The following LCP1 variants were observed in gnomAD, a reference collection of about 807,000 sequenced individuals.
LCP1 encodes lymphocyte cytosolic protein 1, also known as plastin-2.
LCP1 carries 23 observed loss-of-function variants against 72.0 expected under a neutral mutation model. The ratio of observed to expected loss-of-function variants is 0.32; its 90% CI spans 0.23 to 0.45. LCP1 has a LOEUF of 0.45. LCP1 is among the 20% of genes least tolerant of loss of function. LCP1 has a pLI of 1.00. For missense variants in LCP1, 571 were observed against 748.3 expected (o/e 0.76, Z 2.76); for synonymous variants, 245 against 275.4 (o/e 0.89, Z 1.09).
chr13:46,129,102 G>A (rs944263442), intron 15 of LCP1, among the ~76,000 whole-genome samples: 1 of 152,102 alleles, frequency 6.6e-6, no homozygotes. Flanking sequence ...AAAACACAGA[G>A]GGAAAACGGT....
intron 5 of LCP1, among the ~76,000 whole-genome samples, chr13:46,155,868 A>T (rs1450784033): frequency 1.3e-5 from 2 of 152,208 alleles, no homozygotes; most frequent in Non-Finnish European, 2.9e-5. Context: ...GACTTCTTCC[A>T]TCATCCTGCT....
rs58984200 is a variant in LCP1, at chr13:46,136,074, TACACAC to T, written c.1503-1830_1503-1825del. On this transcript the variant is annotated intron_variant, in intron 13 of 15. Coordinates refer to ENST00000323076, the MANE Select transcript of LCP1 (RefSeq NM_002298.5). ...CTCTGCTTCCTTGCCCATCGTGTGC[TACACAC>T]ACACACACACACACACACACACACA... is the stretch of plus-strand genomic sequence containing the variant. Among the ~76,000 whole-genome samples the T allele has an allele frequency of 6.7e-3, 960 of 143,934 alleles. 9 individuals carry two copies. Among genetic ancestry groups the T allele is most frequent in the Middle Eastern group, 0.021 (6 of 284 alleles). 94.4% of individuals were successfully genotyped at this position (143,934 alleles called of 152,430 possible).
chr13:46,147,511 A>G (rs149495696), intron 9 of LCP1, among the ~76,000 whole-genome samples: 1 of 152,358 alleles, frequency 6.6e-6, no homozygotes, highest in East Asian at 1.9e-4. Flanking sequence ...TTATATTCCC[A>G]TAACCAGTTC....
At chr13:46,150,399 T>A (rs1232348391) in intron 8 of LCP1, among the ~76,000 whole-genome samples, 14 of 152,200 alleles carry the variant, frequency 9.2e-5, no homozygotes, top group Non-Finnish European at 1.5e-4. Flanking sequence ...TATGGACCTC[T>A]TTGTCTCTTT....
intron 4 of LCP1, among the ~76,000 whole-genome samples, chr13:46,157,126 A>C (rs1014598863): frequency 2.6e-5 from 4 of 151,544 alleles, no homozygotes; most frequent in South Asian, 2.1e-4. Flanking sequence ...GGCCAAAACT[A>C]TCTCTCTGTT....
chr13:46,175,350 A>G (rs1054689224), intron 1 of LCP1, among the ~76,000 whole-genome samples: 1 of 152,190 alleles, frequency 6.6e-6, no homozygotes, highest in Non-Finnish European at 1.5e-5. Flanking sequence ...GCCTGATTTT[A>G]TAGATGAGGA....
At chr13:46,129,651 T>C (rs2045621946) in intron 15 of LCP1, among the ~76,000 whole-genome samples, 2 of 152,146 alleles carry the variant, frequency 1.3e-5, no homozygotes, top group African/African-American at 4.8e-5. Flanking sequence ...AGGTTCCCAC[T>C]TTCCCAAACT....
chr13:46,155,576 A>C (rs1339062340), intron 5 of LCP1, among the ~76,000 whole-genome samples: 1 of 152,218 alleles, frequency 6.6e-6, no homozygotes, highest in Non-Finnish European at 1.5e-5. Context: ...GAGAAAGCTC[A>C]ATGTCTTTCC....
chr13:46,161,629 C>A (rs879694804), intron 1 of LCP1, among the ~76,000 whole-genome samples: 1 of 152,074 alleles, frequency 6.6e-6, no homozygotes, highest in Non-Finnish European at 1.5e-5. Context: ...TTTCAGAATG[C>A]CTTTTTCCAA....
chr13:46,163,318 G>A (rs1566444023), intron 1 of LCP1, among the ~76,000 whole-genome samples: 1 of 152,230 alleles, frequency 6.6e-6, no homozygotes, highest in Non-Finnish European at 1.5e-5. Context: ...TTGGGATGCT[G>A]TTAATCTATA....
chr13:46,138,051 T>C (rs1182082522), intron 13 of LCP1, among the ~76,000 whole-genome samples: 1 of 152,242 alleles, frequency 6.6e-6, no homozygotes, highest in African/African-American at 2.4e-5. Context: ...GGATTCTTTG[T>C]TCATTTGCTT....
At chr13:46,150,902 G>A in intron 8 of LCP1, 34 bp downstream of exon 8, 1 of 1,602,620 alleles carries the variant, frequency 6.2e-7, no homozygotes, top group Non-Finnish European at 8.5e-7. Context: ...CTTCACTCCT[G>A]CAGAGAGTCA....
chr13:46,156,447 A>G lies in LCP1; in HGVS notation c.482T>C (p.Ile161Thr). The G allele has an allele frequency of 6.2e-7, 1 of 1,613,768 alleles. No homozygotes were observed. The highest frequency in any genetic ancestry group is 8.5e-7 in the Non-Finnish European group (1 of 1,179,858). ...AAGAAGTATTATTTACCAAAGGACA[A>G]TGCCATCTCCAACAGCATTAAAGAG... The part of the protein sequence containing the change: ...NDLFNAVGDG[I>T]VLCKMINLSV... Residue 161 changes from isoleucine (I) to threonine (T), a missense_variant, in exon 5 of 16, where the codon ATT becomes ACT. Transcript: ENST00000323076.
chr13:46,163,653 C>A (rs117193215), intron 1 of LCP1, among the ~76,000 whole-genome samples: 1,433 of 125,398 alleles, frequency 0.011, 27 homozygotes, highest in African/African-American at 0.042. Context: ...AAAAAAAAAA[C>A]AATGAGTTAT....
chr13:46,181,249 A>G (rs1200551018), intron 1 of LCP1, among the ~76,000 whole-genome samples: 1 of 152,214 alleles, frequency 6.6e-6, no homozygotes, highest in Non-Finnish European at 1.5e-5. Flanking sequence ...TCATTTGTCA[A>G]TGGTTCTTAG....
chr13:46,159,520 T>C, intron 2 of LCP1, 79 bp downstream of exon 2: 1 of 1,172,446 alleles, frequency 8.5e-7, no homozygotes, highest in Admixed American at 1.8e-5. Context: ...TTTGCTCATG[T>C]TCCCATTTCA....
chr13:46,171,690 CAAAAT>C (rs1161190048), intron 1 of LCP1, among the ~76,000 whole-genome samples: 2 of 152,140 alleles, frequency 1.3e-5, no homozygotes, highest in Non-Finnish European at 2.9e-5. Context: ...GTCCAGTAAA[CAAAAT>C]AGTCACGCAA....
rs1344742570 is a variant in LCP1, at chr13:46,127,553, G to T, written c.*38C>A. 2 of 1,612,634 alleles carry T rather than the reference G, an allele frequency of 1.2e-6. No homozygotes were observed. The highest frequency in any genetic ancestry group is 3.3e-5 in the Admixed American group (2 of 59,986). ...TGGAGCATCTGTGCCGGGCAGTCAGGAGTGAGTGCACCGCCTCCCACCCAG... is the reference window on the plus strand; with the variant it reads ...TGGAGCATCTGTGCCGGGCAGTCAGTAGTGAGTGCACCGCCTCCCACCCAG... On this transcript the variant is annotated 3_prime_UTR_variant, in exon 16 of 16. Transcript: ENST00000323076.
chr13:46,158,447 C>A, intron 4 of LCP1, 75 bp downstream of exon 4: 1 of 1,529,562 alleles, frequency 6.5e-7, no homozygotes, highest in Non-Finnish European at 8.9e-7. Flanking sequence ...TCTTTGTTTA[C>A]ATCCCTTAGG....
Sources: allele counts gnomAD v4.1 joint callset (sites outside exome capture counted in the v4.1 genomes callset), GRCh38; gene constraint gnomAD v4.1.1; transcripts MANE v1.5; gene names NCBI Gene and HGNC (gene_info 2026-07-23, HGNC 2026-07-21).